Variants in PEX14 observed in about 807,000 individuals in gnomAD.
PEX14 encodes the protein peroxisomal biogenesis factor 14.
In PEX14, 15 loss-of-function variants were observed where a neutral mutation model predicts 49.5. That is an observed-to-expected ratio of 0.30 (90% CI 0.20 to 0.47). The LOEUF (loss-of-function observed/expected upper bound fraction) is 0.47. PEX14 is among the 20% of genes least tolerant of loss of function. PEX14 has a pLI of 1.00. For synonymous variants in PEX14, 210 were observed against 212.7 expected (o/e 0.99, Z 0.11); for missense variants, 398 against 494.8 (o/e 0.80, Z 1.86).
At position 10,600,811 on chromosome 1, in the gene PEX14, T is replaced by G. The variant is rs141248663; in HGVS notation, c.298+1445T>G. Reference sequence around the variant, plus strand: ...ATTGTTATTCTCAGAAGTTTTATTTTTGCAAAAAATGATTTAAAACTGTTA... The same window carrying G: ...ATTGTTATTCTCAGAAGTTTTATTTGTGCAAAAAATGATTTAAAACTGTTA... On this transcript the variant is annotated intron_variant, in intron 4 of 8. Coordinates refer to ENST00000356607, the MANE Select transcript of PEX14 (RefSeq NM_004565.3). Among the ~76,000 whole-genome samples, 178 of 152,102 alleles carry G rather than the reference T, an allele frequency of 1.2e-3. 4 individuals carry two copies. In the East Asian group the frequency reaches 0.03, roughly 26 times the overall value.
At chr1:10,618,781 A>G (rs979794015) in intron 5 of PEX14, among the ~76,000 whole-genome samples, 1 of 152,224 alleles carries the variant, frequency 6.6e-6, no homozygotes, top group Non-Finnish European at 1.5e-5. Context: ...GGCGAAGAGC[A>G]TGGACGCTGG....
At chr1:10,478,318 C>G (rs1333484502) in intron 1 of PEX14, among the ~76,000 whole-genome samples, 1 of 152,098 alleles carries the variant, frequency 6.6e-6, no homozygotes, top group African/African-American at 2.4e-5. Flanking sequence ...TCTTCAAGTT[C>G]TATTACGACA....
At chr1:10,547,337 C>G (rs710130) in intron 3 of PEX14, among the ~76,000 whole-genome samples, 1 of 152,000 alleles carries the variant, frequency 6.6e-6, no homozygotes, top group Non-Finnish European at 1.5e-5. Flanking sequence ...TCCTCTGCCT[C>G]ATTTCCACTT....
At chr1:10,543,552 C>T (rs1408583692) in intron 3 of PEX14, among the ~76,000 whole-genome samples, 4 of 151,964 alleles carry the variant, frequency 2.6e-5, no homozygotes, top group African/African-American at 4.8e-5. Flanking sequence ...GCTGGATTGG[C>T]GTGTGAGGAA....
intron 3 of PEX14, chr1:10,536,613 G>A: frequency 2.8e-6 from 1 of 358,620 alleles, no homozygotes; most frequent in Non-Finnish European, 5.4e-6. Flanking sequence ...GGTCTGCTCT[G>A]TGTCAGTGAC....
At chr1:10,624,210 G>A (rs185207930) in intron 6 of PEX14, 130 bp from the exon 7 acceptor site, 5 of 767,828 alleles carry the variant, frequency 6.5e-6, no homozygotes, top group Admixed American at 5.2e-5. Flanking sequence ...GATGGATTGC[G>A]GGGGCTGGGG....
At chr1:10,570,908 C>T (rs1247169667) in intron 3 of PEX14, among the ~76,000 whole-genome samples, 6 of 130,800 alleles carry the variant, frequency 4.6e-5, no homozygotes, top group Non-Finnish European at 9.3e-5. Flanking sequence ...AGTGCAGTGG[C>T]GTGATCACAG....
At chr1:10,483,442 G>T (rs1236677347) in intron 1 of PEX14, among the ~76,000 whole-genome samples, 1 of 152,048 alleles carries the variant, frequency 6.6e-6, no homozygotes, top group Admixed American at 6.6e-5. Context: ...TCAGCCTCCG[G>T]AGTAGCTGGG....
chr1:10,492,683 T>G (rs978528295), intron 1 of PEX14, among the ~76,000 whole-genome samples: 1 of 152,206 alleles, frequency 6.6e-6, no homozygotes, highest in Non-Finnish European at 1.5e-5. Flanking sequence ...AATAATCCAT[T>G]CAGCTGAGTT....
chr1:10,518,775 A>G (rs944651761), intron 2 of PEX14, among the ~76,000 whole-genome samples: 6 of 152,158 alleles, frequency 3.9e-5, no homozygotes, highest in Admixed American at 1.3e-4. Flanking sequence ...CTTGCCCGAA[A>G]TGCTGATTCC....
At chr1:10,511,823 T>A (rs1448875278) in intron 2 of PEX14, among the ~76,000 whole-genome samples, 1 of 152,144 alleles carries the variant, frequency 6.6e-6, no homozygotes, top group Non-Finnish European at 1.5e-5. Flanking sequence ...GACTTCCAAG[T>A]CTTCTGTGGA....
chr1:10,522,072 T>C (rs1045891594), intron 2 of PEX14, among the ~76,000 whole-genome samples: 1 of 152,224 alleles, frequency 6.6e-6, no homozygotes, highest in Non-Finnish European at 1.5e-5. Flanking sequence ...TGCATTACCG[T>C]GGCCTTTATT....
In PEX14 at chr1:10,537,341, ACCC is replaced by A. The variant is rs34410254; in HGVS notation, c.169+1054_169+1056del. On this transcript the variant is annotated intron_variant, in intron 3 of 8. Transcript: ENST00000356607. ...TGCTCACTGGCTGCATTGTGCCAGCACCCCCCCCCCCCGCCATCATTAGGAGAT... is the reference window on the plus strand; with the variant it reads ...TGCTCACTGGCTGCATTGTGCCAGCACCCCCCCCCGCCATCATTAGGAGAT... Among the ~76,000 whole-genome samples, 18 of 28,428 alleles carry A rather than the reference ACCC, an allele frequency of 6.3e-4. 5 individuals are homozygous for A. Among genetic ancestry groups the A allele is most frequent in the African/African-American group, 2.5e-3 (18 of 7,080 alleles). 18.6% of individuals were successfully genotyped at this position (28,428 alleles called of 152,430 possible). A position where few individuals can be genotyped will look rare whatever the true frequency, so the allele number is the denominator to read the frequency against.
At chr1:10,576,357 C>T (rs1424016943) in intron 3 of PEX14, among the ~76,000 whole-genome samples, 1 of 151,996 alleles carries the variant, frequency 6.6e-6, no homozygotes, top group Non-Finnish European at 1.5e-5. Context: ...TAAGCTAAGT[C>T]CCTTATTTAA....
At chr1:10,483,933 T>G (rs1641325919) in intron 1 of PEX14, among the ~76,000 whole-genome samples, 1 of 151,348 alleles carries the variant, frequency 6.6e-6, no homozygotes, top group South Asian at 2.1e-4. Context: ...TATGAATGAA[T>G]TATGTATTCT....
intron 3 of PEX14, among the ~76,000 whole-genome samples, chr1:10,548,702 A>G (rs971994241): frequency 1.3e-5 from 2 of 152,236 alleles, no homozygotes; most frequent in Non-Finnish European, 2.9e-5. Context: ...TAGGTTGGTC[A>G]TTCCACAGCT....
chr1:10,577,460 T>C (rs12077637), intron 3 of PEX14, among the ~76,000 whole-genome samples: 11,280 of 129,172 alleles, frequency 0.087, 752 homozygotes, highest in Non-Finnish European at 0.11. Flanking sequence ...CTTTCAGTCA[T>C]GGTGGAGTAG....
chr1:10,598,688 T>C (rs1240320238), intron 3 of PEX14, among the ~76,000 whole-genome samples: 1 of 152,234 alleles, frequency 6.6e-6, no homozygotes, highest in Non-Finnish European at 1.5e-5. Context: ...TATTTTCTTC[T>C]TTACATTCTA....
intron 3 of PEX14, among the ~76,000 whole-genome samples, chr1:10,552,666 T>C (rs1261200252): frequency 6.6e-6 from 1 of 152,202 alleles, no homozygotes; most frequent in Non-Finnish European, 1.5e-5. Context: ...TAAGATTTAA[T>C]ATTTGTAGTT....
Sources: allele counts gnomAD v4.1 joint callset (sites outside exome capture counted in the v4.1 genomes callset), GRCh38; gene constraint gnomAD v4.1.1; transcripts MANE v1.5; gene names NCBI Gene and HGNC (gene_info 2026-07-23, HGNC 2026-07-21).